Variants in STAG2 observed in about 807,000 individuals in gnomAD.
STAG2 encodes cohesin subunit SA-2.
In STAG2, 14 loss-of-function variants were observed where a neutral mutation model predicts 108.1. That is an observed-to-expected ratio of 0.13 (90% CI 0.09 to 0.20). The LOEUF (loss-of-function observed/expected upper bound fraction) is 0.20. Ranked by LOEUF, STAG2 falls within the 10% of genes least tolerant of loss-of-function variation. STAG2 has a pLI of 1.00. For synonymous variants in STAG2, 307 were observed against 302.7 expected, an observed-to-expected ratio of 1.01 and a Z score of -0.15; for missense variants, 440 against 940.9, an observed-to-expected ratio of 0.47 and a Z score of 6.96.
At chrX:124,077,527 T>C (rs747945277) in intron 26 of STAG2, among the ~76,000 whole-genome samples, 3 of 112,032 alleles carry the variant, frequency 2.7e-5, no homozygotes, top group East Asian at 5.5e-4. Context: ...ATAAGCCAAA[T>C]TAATAAAGTT....
intron 19 of STAG2, among the ~76,000 whole-genome samples, chrX:124,063,464 G>A (rs973312751): frequency 1.8e-5 from 2 of 110,918 alleles, no homozygotes; most frequent in Non-Finnish European, 3.8e-5. Flanking sequence ...ACTGGGGGTG[G>A]ATAACTAGAT....
At chrX:124,028,822 ATTT>A (rs767163177) in intron 4 of STAG2, among the ~76,000 whole-genome samples, 8 of 38,974 alleles carry the variant, frequency 2.1e-4, no homozygotes, top group African/African-American at 7.8e-4. Context: ...ATATATATAT[ATTT>A]TTTTTTTTAT....
At chrX:124,078,399 G>C (rs1164623053) in intron 27 of STAG2, among the ~76,000 whole-genome samples, 1 of 111,801 alleles carries the variant, frequency 8.9e-6, no homozygotes, top group East Asian at 2.8e-4. Flanking sequence ...ATACAAAGTT[G>C]TATATTGCAA....
intron 1 of STAG2, among the ~76,000 whole-genome samples, chrX:123,991,778 C>A (rs2055487030): frequency 9.0e-6 from 1 of 111,417 alleles, no homozygotes; most frequent in African/African-American, 3.3e-5. Flanking sequence ...GATTCTCCCG[C>A]CTCAGCCTTC....
At chrX:124,022,264 G>T (rs1003572581) in intron 2 of STAG2, among the ~76,000 whole-genome samples, 2 of 109,854 alleles carry the variant, frequency 1.8e-5, no homozygotes, top group African/African-American at 3.3e-5. Flanking sequence ...TCAGCTACTC[G>T]GGAGGCTGAG....
intron 24 of STAG2, among the ~76,000 whole-genome samples, chrX:124,069,717 A>G (rs1275594166): frequency 9.0e-6 from 1 of 111,276 alleles, no homozygotes; most frequent in Non-Finnish European, 1.9e-5. Flanking sequence ...TTTTTTCCAA[A>G]AATATGAAGT....
chrX:123,997,077 T>G (rs1397324619), intron 1 of STAG2, among the ~76,000 whole-genome samples: 3 of 111,872 alleles, frequency 2.7e-5, no homozygotes, highest in African/African-American at 9.8e-5. Flanking sequence ...TTTCAGGACT[T>G]TCTATTCTAT....
intron 13 of STAG2, among the ~76,000 whole-genome samples, chrX:124,053,296 C>T (rs893673785): frequency 4.5e-5 from 5 of 111,911 alleles, no homozygotes; most frequent in African/African-American, 1.6e-4. Context: ...AATAAGAAAT[C>T]CACCAGATAT....
chrX:123,989,426 A>G (rs1187771761), intron 1 of STAG2, among the ~76,000 whole-genome samples: 1 of 110,872 alleles, frequency 9.0e-6, no homozygotes, highest in Admixed American at 9.7e-5. Context: ...ATAGTACCTT[A>G]TATTTTACAA....
intron 1 of STAG2, among the ~76,000 whole-genome samples, chrX:123,977,010 A>G (rs1402195327): frequency 8.9e-6 from 1 of 112,078 alleles, no homozygotes; most frequent in Non-Finnish European, 1.9e-5. Context: ...CTTTTGGGGG[A>G]TTAAGTAGGA....
Position 124,046,576 on chromosome X carries a change from A to G in STAG2, c.668-778A>G, listed in dbSNP as rs371398448. ...AGTTTTATTGTTGTTGTATCATGCA[A>G]TGCACCAAGTCTGAGAAGTAGTCTG... On this transcript the variant is annotated intron_variant, in intron 8 of 34. Transcript: ENST00000371145. 5.4e-5 allele frequency among the ~76,000 whole-genome samples: 6 copies of G among 111,989 alleles called. No individual in the cohort carries two copies. In the East Asian group the frequency reaches 8.3e-4, roughly 16 times the overall value.
intron 1 of STAG2, among the ~76,000 whole-genome samples, chrX:123,999,270 CTTCCTTTTT>C (rs1370725736): frequency 9.0e-6 from 1 of 111,499 alleles, no homozygotes; most frequent in Non-Finnish European, 1.9e-5. Context: ...CCCTCCTTTT[CTTCCTTTTT>C]TATTTAGCTC....
intron 1 of STAG2, among the ~76,000 whole-genome samples, chrX:123,980,024 C>T (rs2054802831): frequency 8.9e-6 from 1 of 111,977 alleles, no homozygotes; most frequent in Non-Finnish European, 1.9e-5. Flanking sequence ...ATAGTTTTTT[C>T]TGACATCTTG....
chrX:124,066,534 G>T, intron 23 of STAG2, 98 bp downstream of exon 23: 2 of 596,363 alleles, frequency 3.4e-6, no homozygotes, highest in Admixed American at 6.3e-5. Flanking sequence ...TCAGTGAAAT[G>T]TTGCTTGTTT....
chrX:123,982,734 CTTT>C (rs1220083705), intron 1 of STAG2, among the ~76,000 whole-genome samples: 2 of 55,122 alleles, frequency 3.6e-5, no homozygotes. Context: ...ACACTTTAGT[CTTT>C]TTTTTTTTTT....
chrX:124,068,145 C>T (rs1307837759), intron 23 of STAG2, among the ~76,000 whole-genome samples: 2 of 111,737 alleles, frequency 1.8e-5, no homozygotes, highest in African/African-American at 6.5e-5. Context: ...AGTATCCTTC[C>T]AACAAGAAAT....
At chrX:123,985,239 C>CT (rs925851985) in intron 1 of STAG2, among the ~76,000 whole-genome samples, 2 of 109,717 alleles carry the variant, frequency 1.8e-5, no homozygotes, top group Admixed American at 9.8e-5. Context: ...CCGTTTATTC[C>CT]TTTTTTTTGA....
At chrX:123,983,140 G>T (rs1288461555) in intron 1 of STAG2, among the ~76,000 whole-genome samples, 2 of 111,055 alleles carry the variant, frequency 1.8e-5, no homozygotes, top group East Asian at 5.6e-4. Context: ...TTTTCAGCAA[G>T]GTATTGTGAA....
At chrX:124,089,967 C>G (rs754248113) in intron 30 of STAG2, among the ~76,000 whole-genome samples, 1 of 109,126 alleles carries the variant, frequency 9.2e-6, no homozygotes, top group Non-Finnish European at 1.9e-5. Flanking sequence ...TCAAGACCAG[C>G]CTAGCCAACG....
Sources: allele counts gnomAD v4.1 joint callset (sites outside exome capture counted in the v4.1 genomes callset), GRCh38; gene constraint gnomAD v4.1.1; transcripts MANE v1.5; gene names NCBI Gene and HGNC (gene_info 2026-07-23, HGNC 2026-07-21).